KATNAL1: variants seen among roughly 807,000 people sequenced by gnomAD.
KATNAL1 encodes the protein katanin p60 ATPase-containing subunit A-like 1.
A neutral mutation model predicts 55.2 loss-of-function variants in KATNAL1; 32 were observed. That is an observed-to-expected ratio of 0.58 (90% confidence interval 0.44 to 0.78). The LOEUF is 0.78. KATNAL1 is among the 30% of genes least tolerant of loss of function. The probability of loss-of-function intolerance (pLI) is 0.00; values close to 1 mark genes in which losing one functional copy is unlikely to be tolerated. For synonymous variants in KATNAL1, 193 were observed against 193.6 expected, an observed-to-expected ratio of 1.00 and a Z score of 0.02; for missense variants, 466 against 600.9, an observed-to-expected ratio of 0.78 and a Z score of 2.35.
chr13:30,221,588 T>C (rs1874861454), intron 9 of KATNAL1, among the ~76,000 whole-genome samples: 1 of 152,226 alleles, frequency 6.6e-6, no homozygotes, highest in Non-Finnish European at 1.5e-5. Flanking sequence ...CATTTCTGAA[T>C]AAAAAATTTT....
At chr13:30,287,881 A>G (rs897719768) in intron 1 of KATNAL1, among the ~76,000 whole-genome samples, 1 of 152,216 alleles carries the variant, frequency 6.6e-6, no homozygotes, top group East Asian at 1.9e-4. Flanking sequence ...TAAATATTTT[A>G]GGCTTTGACA....
intron 3 of KATNAL1, among the ~76,000 whole-genome samples, chr13:30,257,429 C>A (rs1878886680): frequency 6.6e-6 from 1 of 152,226 alleles, no homozygotes; most frequent in Admixed American, 6.5e-5. Flanking sequence ...AAGAGCTAGC[C>A]AGAGCCTCTG....
At chr13:30,247,897 T>C (rs1293133526) in intron 4 of KATNAL1, among the ~76,000 whole-genome samples, 4 of 152,180 alleles carry the variant, frequency 2.6e-5, no homozygotes, top group Non-Finnish European at 5.9e-5. Flanking sequence ...GTATACAGAA[T>C]GGCTAAAATG....
intron 1 of KATNAL1, among the ~76,000 whole-genome samples, chr13:30,304,392 C>G (rs929466049): frequency 2.6e-5 from 4 of 151,988 alleles, no homozygotes; most frequent in African/African-American, 7.3e-5. Flanking sequence ...GCCTCAGCCT[C>G]CTGAGTAGCT....
intron 9 of KATNAL1, among the ~76,000 whole-genome samples, chr13:30,224,280 C>T (rs1262779203): frequency 6.6e-6 from 1 of 152,104 alleles, no homozygotes; most frequent in Admixed American, 6.6e-5. Flanking sequence ...CAGTAGCTCA[C>T]ATCTGTAATC....
At chr13:30,219,403 G>T (rs1323582210) in intron 9 of KATNAL1, among the ~76,000 whole-genome samples, 1 of 152,124 alleles carries the variant, frequency 6.6e-6, no homozygotes, top group African/African-American at 2.4e-5. Flanking sequence ...CCTCCATGAA[G>T]TCTCCCTTAA....
At chr13:30,235,370 A>C (rs1268976773) in intron 6 of KATNAL1, among the ~76,000 whole-genome samples, 1 of 152,156 alleles carries the variant, frequency 6.6e-6, no homozygotes, top group African/African-American at 2.4e-5. Context: ...AGAAAGGGGA[A>C]ACAGCCAGTT....
At chr13:30,302,600 T>C (rs1882926149) in intron 1 of KATNAL1, among the ~76,000 whole-genome samples, 1 of 152,190 alleles carries the variant, frequency 6.6e-6, no homozygotes, top group African/African-American at 2.4e-5. Context: ...GAACAACTTA[T>C]TGAAATACAG....
chr13:30,301,795 T>G (rs1882871412), intron 1 of KATNAL1, among the ~76,000 whole-genome samples: 1 of 152,270 alleles, frequency 6.6e-6, no homozygotes, highest in Non-Finnish European at 1.5e-5. Context: ...GTTTTTTAAT[T>G]TCATAGTGCT....
chr13:30,305,369 C>A (rs1883115363), intron 1 of KATNAL1, among the ~76,000 whole-genome samples: 1 of 152,244 alleles, frequency 6.6e-6, no homozygotes, highest in Admixed American at 6.5e-5. Context: ...GAATGACTTT[C>A]CTCATCATCA....
intron 4 of KATNAL1, 61 bp downstream of exon 4, chr13:30,255,386 A>C (rs1330155256): frequency 7.5e-7 from 1 of 1,327,270 alleles, no homozygotes; most frequent in Non-Finnish European, 9.9e-7. Context: ...AACAAAAATC[A>C]TAACATCCAC....
chr13:30,280,641 A>G (rs181101106), intron 2 of KATNAL1, among the ~76,000 whole-genome samples: 350 of 152,320 alleles, frequency 2.3e-3, no homozygotes, highest in Non-Finnish European at 3.8e-3. Flanking sequence ...TATTCCCAAT[A>G]TCACTAAATA....
chr13:30,222,913 C>T lies in KATNAL1; in HGVS notation c.1147+4499G>A, dbSNP rs61946924. Reference sequence around the variant, plus strand: ...TTCAAGACCAGCCTGGACAACATGGCGAAACCCCGTCTCTACTAATAATAT... The same window carrying T: ...TTCAAGACCAGCCTGGACAACATGGTGAAACCCCGTCTCTACTAATAATAT... On this transcript the variant is annotated intron_variant, in intron 9 of 10. Coordinates refer to ENST00000380615, the MANE Select transcript of KATNAL1 (RefSeq NM_032116.5). Among the ~76,000 whole-genome samples the T allele has an allele frequency of 4.8e-3, 717 of 150,122 alleles. 1 individual carries two copies. Among genetic ancestry groups the T allele is most frequent in the African/African-American group, 0.015 (578 of 39,862 alleles).
intron 9 of KATNAL1, among the ~76,000 whole-genome samples, chr13:30,211,549 T>C (rs1331917265): frequency 6.6e-6 from 1 of 152,254 alleles, no homozygotes; most frequent in Non-Finnish European, 1.5e-5. Context: ...TCAGTTACTA[T>C]GTCTCATTCA....
chr13:30,214,011 A>G (rs1270961732), intron 9 of KATNAL1, among the ~76,000 whole-genome samples: 2 of 152,316 alleles, frequency 1.3e-5, no homozygotes, highest in Non-Finnish European at 1.5e-5. Flanking sequence ...ACATGACTGT[A>G]TATCTAGAAA....
At chr13:30,227,329 G>C (rs1281749262) in intron 9 of KATNAL1, 83 bp downstream of exon 9, 2 of 1,345,336 alleles carry the variant, frequency 1.5e-6, no homozygotes, top group African/African-American at 1.5e-5. Flanking sequence ...TCTTTAAGCA[G>C]AATGGCAATG....
At chr13:30,230,910 T>C (rs1347031491) in intron 7 of KATNAL1, among the ~76,000 whole-genome samples, 4 of 152,190 alleles carry the variant, frequency 2.6e-5, no homozygotes, top group Non-Finnish European at 4.4e-5. Context: ...TCCTCAAATA[T>C]ACATTCTTAA....
At chr13:30,222,890 C>T (rs917679726) in intron 9 of KATNAL1, among the ~76,000 whole-genome samples, 1 of 151,628 alleles carries the variant, frequency 6.6e-6, no homozygotes. Flanking sequence ...CTCAGGAGTT[C>T]AAGACCAGCC....
intron 3 of KATNAL1, among the ~76,000 whole-genome samples, chr13:30,257,271 G>A (rs1230693100): frequency 6.6e-6 from 1 of 151,872 alleles, no homozygotes; most frequent in Non-Finnish European, 1.5e-5. Context: ...TGTCTTTCCT[G>A]AGTCAGATTT....
Sources: gnomAD v4.1 joint callset for allele counts (sites outside exome capture counted in the v4.1 genomes callset) on GRCh38, gnomAD v4.1.1 for gene constraint, MANE v1.5 for transcripts, NCBI Gene and HGNC (gene_info 2026-07-23, HGNC 2026-07-21) for gene names.